Variants in HIBADH observed in about 807,000 individuals in gnomAD.
HIBADH encodes the protein 3-hydroxyisobutyrate dehydrogenase, mitochondrial.
A neutral mutation model predicts 36.1 loss-of-function variants in HIBADH; 25 were observed. The observed-to-expected ratio is 0.69, with a 90% CI of 0.50 to 0.97. HIBADH has a LOEUF of 0.97. Ranked by LOEUF, HIBADH falls within the 50% of genes least tolerant of loss-of-function variation. HIBADH has a pLI of 0.00. For missense variants in HIBADH, 421 were observed against 418.0 expected (o/e 1.01, Z -0.06); for synonymous variants, 160 against 149.5 (o/e 1.07, Z -0.51).
At chr7:27,541,787 CAA>C (rs1465429807) in intron 5 of HIBADH, 9 of 401,898 alleles carry the variant, frequency 2.2e-5, no homozygotes, top group South Asian at 1.6e-4. Context: ...AAGAGAATTC[CAA>C]GAGATCAATT....
chr7:27,525,492 AATAAT>A lies in HIBADH; in HGVS notation c.*717_*721del, dbSNP rs753521991. ...TTCAAAATAATATGGCTATATTTAT[AATAAT>A]ATAATAATTATCTAAAGCAAATATC... On this transcript the variant is annotated 3_prime_UTR_variant, in exon 8 of 8. Coordinates refer to ENST00000265395, the MANE Select transcript of HIBADH (RefSeq NM_152740.4). 2.6e-5 allele frequency: 4 copies of A among 152,298 alleles called. No individual in the cohort carries two copies. The highest frequency in any genetic ancestry group is 9.6e-5 in the African/African-American group (4 of 41,574). 9.4% of individuals were successfully genotyped at this position (152,298 alleles called of 1,614,324 possible). A position where few individuals can be genotyped will look rare whatever the true frequency, so the allele number is the denominator to read the frequency against.
chr7:27,597,445 G>T, intron 4 of HIBADH, among the ~76,000 whole-genome samples: 1 of 62,532 alleles, frequency 1.6e-5, no homozygotes, highest in Admixed American at 1.5e-4. Context: ...CATAGACTCA[G>T]TAAAAAAAAA....
At chr7:27,575,932 C>T (rs537633608) in intron 4 of HIBADH, among the ~76,000 whole-genome samples, 2 of 152,362 alleles carry the variant, frequency 1.3e-5, no homozygotes, top group South Asian at 4.1e-4. Flanking sequence ...TTCCTTTGCA[C>T]TGCTGGTTGG....
chr7:27,627,075 CACTGGGGT>C (rs1323453008), intron 4 of HIBADH, among the ~76,000 whole-genome samples: 1 of 152,160 alleles, frequency 6.6e-6, no homozygotes. Context: ...GACCAGGGTG[CACTGGGGT>C]ACTTCAACCC....
intron 4 of HIBADH, among the ~76,000 whole-genome samples, chr7:27,615,846 A>G (rs777683116): frequency 6.6e-6 from 1 of 152,192 alleles, no homozygotes; most frequent in Non-Finnish European, 1.5e-5. Flanking sequence ...GGTATTCCAG[A>G]AGAAAGCATT....
At chr7:27,614,242 T>C (rs749826451) in intron 4 of HIBADH, among the ~76,000 whole-genome samples, 6 of 152,306 alleles carry the variant, frequency 3.9e-5, no homozygotes, top group Non-Finnish European at 7.4e-5. Context: ...CCCCACTAAA[T>C]TGATCATAAT....
At chr7:27,639,625 C>T (rs1247178479) in intron 2 of HIBADH, among the ~76,000 whole-genome samples, 3 of 152,122 alleles carry the variant, frequency 2.0e-5, no homozygotes, top group Admixed American at 2.0e-4. Flanking sequence ...TCCTGTGGGC[C>T]TTGGAGGCTG....
chr7:27,656,879 C>T (rs904847883), intron 1 of HIBADH, among the ~76,000 whole-genome samples: 1 of 152,132 alleles, frequency 6.6e-6, no homozygotes, highest in African/African-American at 2.4e-5. Context: ...CAAAGTAATG[C>T]TGCTGATAAA....
At chr7:27,556,586 T>A (rs1211788799) in intron 4 of HIBADH, among the ~76,000 whole-genome samples, 1 of 152,208 alleles carries the variant, frequency 6.6e-6, no homozygotes, top group African/African-American at 2.4e-5. Context: ...CCATCTGCTA[T>A]TTATTTTCAG....
intron 4 of HIBADH, among the ~76,000 whole-genome samples, chr7:27,600,378 G>A (rs185564370): frequency 1.3e-5 from 2 of 152,042 alleles, no homozygotes; most frequent in East Asian, 1.9e-4. Flanking sequence ...CCTTGGTCCT[G>A]CCATAATCAA....
At chr7:27,548,896 G>C (rs1157617562) in intron 4 of HIBADH, among the ~76,000 whole-genome samples, 12 of 152,088 alleles carry the variant, frequency 7.9e-5, no homozygotes, top group Non-Finnish European at 1.6e-4. Context: ...CAGAGAAGGG[G>C]TGAAAAAACA....
chr7:27,585,265 ATGTATGTG>A (rs1266759938), intron 4 of HIBADH, among the ~76,000 whole-genome samples: 12 of 48,018 alleles, frequency 2.5e-4, no homozygotes, highest in African/African-American at 6.3e-4. Flanking sequence ...ACACGTGTGT[ATGTATGTG>A]TATGTATATG....
At chr7:27,612,540 T>G (rs1249414209) in intron 4 of HIBADH, among the ~76,000 whole-genome samples, 1 of 151,866 alleles carries the variant, frequency 6.6e-6, no homozygotes, top group East Asian at 2.0e-4. Context: ...GCCAGGCTGG[T>G]CTCGGACTCC....
intron 4 of HIBADH, among the ~76,000 whole-genome samples, chr7:27,605,456 C>CT (rs751819411): frequency 0.023 from 2,031 of 89,824 alleles, 57 homozygotes; most frequent in South Asian, 0.059. Context: ...CCTGCTGACA[C>CT]TTTTTTTTTT....
chr7:27,642,642 G>GTTT (rs71555706), intron 2 of HIBADH, among the ~76,000 whole-genome samples: 1 of 97,428 alleles, frequency 1.0e-5, no homozygotes, highest in Non-Finnish European at 1.9e-5. Flanking sequence ...TAAATGTCTA[G>GTTT]TTTTTTTTTT....
chr7:27,641,718 T>C (rs1785964897), intron 2 of HIBADH, among the ~76,000 whole-genome samples: 1 of 152,208 alleles, frequency 6.6e-6, no homozygotes, highest in Admixed American at 6.5e-5. Flanking sequence ...CTTGTTCTGA[T>C]GACATGGCCA....
At chr7:27,592,086 TC>T (rs1784948519) in intron 4 of HIBADH, among the ~76,000 whole-genome samples, 1 of 152,232 alleles carries the variant, frequency 6.6e-6, no homozygotes, top group African/African-American at 2.4e-5. Context: ...AAAACAGCCT[TC>T]CCCTTCCTCA....
intron 7 of HIBADH, among the ~76,000 whole-genome samples, chr7:27,527,400 C>T (rs900184109): frequency 6.6e-6 from 1 of 152,074 alleles, no homozygotes. Flanking sequence ...ACAACACAAA[C>T]GAGGCTCAGC....
intron 3 of HIBADH, among the ~76,000 whole-genome samples, chr7:27,630,946 T>C (rs1446519172): frequency 6.6e-6 from 1 of 152,108 alleles, no homozygotes; most frequent in Non-Finnish European, 1.5e-5. Context: ...CTTAAACCTT[T>C]CAACAAATGG....
Sources: gnomAD v4.1 joint callset for allele counts (sites outside exome capture counted in the v4.1 genomes callset) on GRCh38, gnomAD v4.1.1 for gene constraint, MANE v1.5 for transcripts, NCBI Gene and HGNC (gene_info 2026-07-23, HGNC 2026-07-21) for gene names.